Variants in MGAT4D observed in about 807,000 individuals in gnomAD.
MGAT4D encodes the protein alpha-1,3-mannosyl-glycoprotein 4-beta-N-acetylglucosaminyltransferase-like protein MGAT4D.
MGAT4D carries 34 observed loss-of-function variants against 15.9 expected under a neutral mutation model. The ratio of observed to expected loss-of-function variants is 2.14; its 90% CI spans 1.62 to 2.84. The LOEUF is 2.84. MGAT4D is among the 30% of genes most tolerant of loss of function. MGAT4D has a pLI of 0.00. For synonymous variants in MGAT4D, 112 were observed against 48.2 expected (o/e 2.33, Z -5.49); for missense variants, 327 against 140.2 (o/e 2.33, Z -6.73).
At position 140,474,913 on chromosome 4, in the gene MGAT4D, C is replaced by T; in HGVS notation, c.425G>A (p.Arg142Lys). 1.4e-6 allele frequency: 1 copy of T among 697,204 alleles called. No individual in the cohort carries two copies. The highest frequency in any genetic ancestry group is 2.6e-6 in the Non-Finnish European group (1 of 382,914). 43.2% of individuals were successfully genotyped at this position (697,204 alleles called of 1,614,324 possible). Reference sequence around the variant, plus strand: ...CTGTTTCAGGTAACTATAATTTCCTCTGTTAACAGTGGAAATACCCAGCGC... The same window carrying T: ...CTGTTTCAGGTAACTATAATTTCCTTTGTTAACAGTGGAAATACCCAGCGC... Reference protein sequence around the residue: ...SFALGISTVNRGNYSYLKQTL... With the variant: ...SFALGISTVNKGNYSYLKQTL... The change falls in exon 4 of 11, where the codon AGA becomes AAA. Residue 142 changes from arginine to lysine, a missense_variant. Arg to Lys is a conservative substitution (Grantham distance 26). Coordinates refer to ENST00000511113, the MANE Select transcript of MGAT4D (RefSeq NM_001277353.2).
chr4:140,453,784 G>GT (rs1730621213), intron 9 of MGAT4D, among the ~76,000 whole-genome samples: 1 of 152,096 alleles, frequency 6.6e-6, no homozygotes, highest in Admixed American at 6.6e-5. Context: ...TGTCATGATT[G>GT]TAAGTTTTCT....
At chr4:140,492,743 A>C (rs1004064055) in intron 1 of MGAT4D, among the ~76,000 whole-genome samples, 6 of 152,196 alleles carry the variant, frequency 3.9e-5, no homozygotes, top group African/African-American at 1.4e-4. Flanking sequence ...CCAGCAGGGA[A>C]AGGAAAAGAA....
At chr4:140,454,007 GATGT>G (rs1224270479) in intron 9 of MGAT4D, among the ~76,000 whole-genome samples, 13 of 140,670 alleles carry the variant, frequency 9.2e-5, no homozygotes, top group African/African-American at 2.2e-4. Flanking sequence ...TCAGTTCTAG[GATGT>G]ATGTGTGTGT....
rs189259931 is a variant in MGAT4D, at chr4:140,473,507, T to C, written c.525+1306A>G. On this transcript the variant is annotated intron_variant, in intron 4 of 10. Coordinates refer to ENST00000511113, the MANE Select transcript of MGAT4D (RefSeq NM_001277353.2). ...CTAATTTCATCCCCCAACAACCTTA[T>C]GGCATAGGCAATATGATTATCACAA... Among the ~76,000 whole-genome samples, 518 of 152,286 alleles carry C rather than the reference T, an allele frequency of 3.4e-3. 5 individuals are homozygous for C. The highest frequency in any genetic ancestry group is 0.02 in the Middle Eastern group (6 of 294).
At chr4:140,476,775 A>G (rs1732362489) in intron 3 of MGAT4D, among the ~76,000 whole-genome samples, 1 of 152,150 alleles carries the variant, frequency 6.6e-6, no homozygotes, top group South Asian at 2.1e-4. Context: ...ATTTCTCAGG[A>G]TTCAACTAAA....
chr4:140,455,301 AT>A (rs1009924477), intron 9 of MGAT4D, among the ~76,000 whole-genome samples: 1 of 152,144 alleles, frequency 6.6e-6, no homozygotes, highest in African/African-American at 2.4e-5. Context: ...GAGTTGTCTA[AT>A]TTCCTTTGAA....
intron 1 of MGAT4D, among the ~76,000 whole-genome samples, chr4:140,495,640 T>C (rs1443671281): frequency 6.6e-6 from 1 of 152,244 alleles, no homozygotes; most frequent in Non-Finnish European, 1.5e-5. Context: ...TGCATATTTG[T>C]TCATCAAATT....
intron 1 of MGAT4D, among the ~76,000 whole-genome samples, chr4:140,495,105 C>G (rs1487966984): frequency 6.6e-6 from 1 of 152,190 alleles, no homozygotes; most frequent in Non-Finnish European, 1.5e-5. Context: ...TTCTAACACT[C>G]TCCCCCCTGT....
At chr4:140,490,531 T>G (rs1304327150) in intron 1 of MGAT4D, among the ~76,000 whole-genome samples, 3 of 152,192 alleles carry the variant, frequency 2.0e-5, no homozygotes, top group Non-Finnish European at 4.4e-5. Flanking sequence ...GCCCTCCAAT[T>G]AGACCCTGCC....
chr4:140,486,184 G>A (rs1301154429), intron 1 of MGAT4D, among the ~76,000 whole-genome samples: 1 of 151,956 alleles, frequency 6.6e-6, no homozygotes, highest in Non-Finnish European at 1.5e-5. Context: ...TTTGGCTTTT[G>A]CAGTGTTCTC....
At chr4:140,458,132 A>C (rs1420349944) in intron 8 of MGAT4D, 1 of 152,120 alleles carries the variant, frequency 6.6e-6, no homozygotes, top group East Asian at 1.9e-4. Context: ...CAGTACTTAG[A>C]GCTATGTGAA....
intron 9 of MGAT4D, among the ~76,000 whole-genome samples, chr4:140,452,817 C>T (rs1437330311): frequency 1.3e-5 from 2 of 152,128 alleles, no homozygotes; most frequent in Non-Finnish European, 2.9e-5. Flanking sequence ...AAAAAAATTT[C>T]ACCCAGCCCT....
At chr4:140,494,228 A>G (rs1322776573) in intron 1 of MGAT4D, among the ~76,000 whole-genome samples, 1 of 152,222 alleles carries the variant, frequency 6.6e-6, no homozygotes, top group East Asian at 1.9e-4. Flanking sequence ...CGGATGAAGT[A>G]CTACTCAAAC....
intron 8 of MGAT4D, chr4:140,459,018 G>T (rs1374129958): frequency 2.6e-5 from 4 of 152,184 alleles, no homozygotes; most frequent in South Asian, 4.2e-4. Flanking sequence ...TAGTAAAAAA[G>T]ATCTCATAAT....
chr4:140,471,921 G>T, intron 4 of MGAT4D, 100 bp from the exon 5 acceptor site: 1 of 273,422 alleles, frequency 3.7e-6, no homozygotes. Context: ...TGTGTGAAAT[G>T]CTATTGCATA....
rs1731432215 is a variant in MGAT4D, at chr4:140,464,942, T to C, written c.640A>G (p.Met214Val). 1 of 702,914 alleles carries C rather than the reference T, an allele frequency of 1.4e-6. No individual in the cohort carries two copies. Among genetic ancestry groups the C allele is most frequent in the East Asian group, 2.7e-5 (1 of 37,278 alleles). The allele number at this position is 702,914 out of a possible 1,614,324, so 43.5% of individuals were successfully genotyped here. ...TCAGCTAAGTGCTTGGCATTTAACATGCTTGAGTATAAAAAGGCAGGTATT... is the reference window on the plus strand; with the variant it reads ...TCAGCTAAGTGCTTGGCATTTAACACGCTTGAGTATAAAAAGGCAGGTATT... ...ISIPAFLYSS[M>V]LNAKHLAEAS... The change falls in exon 6 of 11, where the codon ATG becomes GTG. Residue 214 changes from methionine to valine, a missense_variant. Transcript: ENST00000511113.
chr4:140,464,815 T>A, intron 6 of MGAT4D, 81 bp downstream of exon 6: 1 of 675,020 alleles, frequency 1.5e-6, no homozygotes, highest in South Asian at 1.6e-5. Flanking sequence ...GTGTCTGAAA[T>A]AGTTTCTAAT....
intron 4 of MGAT4D, among the ~76,000 whole-genome samples, chr4:140,474,168 A>G (rs947215060): frequency 2.6e-5 from 4 of 152,176 alleles, no homozygotes; most frequent in Admixed American, 2.6e-4. Context: ...TATAGTTTTA[A>G]ATGGTATTAG....
intron 1 of MGAT4D, among the ~76,000 whole-genome samples, chr4:140,488,321 T>C (rs918561804): frequency 1.3e-5 from 2 of 152,342 alleles, no homozygotes; most frequent in Admixed American, 1.3e-4. Flanking sequence ...TGCCATGTGC[T>C]ATGTATGTGG....
Sources: allele counts gnomAD v4.1 joint callset (sites outside exome capture counted in the v4.1 genomes callset), GRCh38; gene constraint gnomAD v4.1.1; transcripts MANE v1.5; gene names NCBI Gene and HGNC (gene_info 2026-07-23, HGNC 2026-07-21).